NPAS3: variants seen among roughly 807,000 people sequenced by gnomAD.
NPAS3 encodes the protein neuronal PAS domain protein 3.
Under a neutral mutation model 73.1 loss-of-function variants are expected in NPAS3, and 14 were observed. That is an observed-to-expected ratio of 0.19 (90% CI 0.13 to 0.30). The LOEUF (loss-of-function observed/expected upper bound fraction) is 0.30, where lower values mean the gene tolerates loss of function less well. NPAS3 is among the 10% of genes least tolerant of loss of function. The pLI, the probability that NPAS3 is intolerant of heterozygous loss-of-function variation, is 1.00. For synonymous variants in NPAS3, 620 were observed against 541.5 expected, an observed-to-expected ratio of 1.14 and a Z score of -2.01; for missense variants, 1,096 against 1,250.0, an observed-to-expected ratio of 0.88 and a Z score of 1.86.
At chr14:32,959,547 A>G (rs1319008434) in intron 1 of NPAS3, among the ~76,000 whole-genome samples, 2 of 152,230 alleles carry the variant, frequency 1.3e-5, no homozygotes, top group Non-Finnish European at 2.9e-5. Flanking sequence ...TTGCCAGTTT[A>G]AAACTTCTTT....
Position 33,800,144 on chromosome 14 carries a change from A to C in NPAS3, c.1837A>C (p.Ser613Arg), listed in dbSNP as rs371133456. 6.3e-7 allele frequency: 1 copy of C among 1,591,430 alleles called. No homozygotes were observed. Among genetic ancestry groups the C allele is most frequent in the Non-Finnish European group, 8.5e-7 (1 of 1,170,288 alleles). The change falls in exon 12 of 12, where the codon AGC becomes CGC. Residue 613 changes from serine (S) to arginine (R), a missense_variant. By Grantham distance (110) the Ser-to-Arg change is moderately radical (BLOSUM62 -1). Around this residue, in one of 5 missense-constraint regions of NPAS3, gnomAD observed 698 missense variants for 676.7 expected, o/e 1.03. Transcript: ENST00000356141. The surrounding 1 kb of genome is among the most constrained non-coding windows in gnomAD (Gnocchi z 6.5). ...GAAACGGCAAAAGGGCGGCAGCGCC[A>C]GCCGCCGGCGCCTGTCCAGCGCGTC...
At chr14:33,070,456 T>G (rs546830957) in intron 2 of NPAS3, among the ~76,000 whole-genome samples, 2 of 152,244 alleles carry the variant, frequency 1.3e-5, no homozygotes, top group Non-Finnish European at 2.9e-5. Flanking sequence ...CTGGTACTTC[T>G]GTGAGGCACT....
At chr14:33,328,520 G>A (rs1267103111) in intron 3 of NPAS3, among the ~76,000 whole-genome samples, 1 of 111,750 alleles carries the variant, frequency 8.9e-6, no homozygotes, top group East Asian at 2.9e-4. Context: ...AGGCTGGAGT[G>A]CAGTGGCGCG....
chr14:33,421,673 A>C lies in NPAS3; in HGVS notation c.468+54405A>C, dbSNP rs752200828. Among the ~76,000 whole-genome samples the C allele has an allele frequency of 2.6e-5, 4 of 151,956 alleles. No individual in the cohort carries two copies. The East Asian group carries it at 7.7e-4, about 29-fold the overall frequency. On this transcript the variant is annotated intron_variant, in intron 4 of 11. Transcript: ENST00000356141. ...TATTCTCTGTATGAAGGTTTAGGCA[A>C]TATTCAAGGTGATCTGCTAGATACT... is the stretch of plus-strand genomic sequence containing the variant.
intron 2 of NPAS3, among the ~76,000 whole-genome samples, chr14:33,069,252 T>C (rs1267419787): frequency 6.6e-6 from 1 of 152,236 alleles, no homozygotes; most frequent in Non-Finnish European, 1.5e-5. Flanking sequence ...ATCACATGTA[T>C]GCAAATAAGT....
At chr14:33,249,936 A>C (rs962529937) in intron 3 of NPAS3, among the ~76,000 whole-genome samples, 46 of 150,856 alleles carry the variant, frequency 3.0e-4, no homozygotes, top group Admixed American at 1.5e-3. Context: ...ACACACACAC[A>C]CCCCTACATA....
At chr14:33,097,583 T>C (rs1325616612) in intron 2 of NPAS3, among the ~76,000 whole-genome samples, 1 of 152,230 alleles carries the variant, frequency 6.6e-6, no homozygotes, top group Non-Finnish European at 1.5e-5. Flanking sequence ...ATGCATATGA[T>C]TATCTTTTGT....
Position 33,609,513 on chromosome 14 carries a change from A to G in NPAS3, c.558+49303A>G, listed in dbSNP as rs185632756. ...CATAGGTTCCTGTCTTAATTCATAAAGGTAACCAGATTTTTGTTCCCCACT... is the reference window on the plus strand; with the variant it reads ...CATAGGTTCCTGTCTTAATTCATAAGGGTAACCAGATTTTTGTTCCCCACT... On this transcript the variant is annotated intron_variant, in intron 5 of 11. Transcript: ENST00000356141. Among the ~76,000 whole-genome samples the G allele has an allele frequency of 8.6e-5, 13 of 151,470 alleles. No homozygotes were observed. The East Asian group carries it at 2.6e-3, about 30-fold the overall frequency.
At chr14:33,286,432 C>T (rs1158671536) in intron 3 of NPAS3, among the ~76,000 whole-genome samples, 1 of 152,148 alleles carries the variant, frequency 6.6e-6, no homozygotes, top group Non-Finnish European at 1.5e-5. Context: ...TAAAAAAATT[C>T]CATGAGACAG....
intron 5 of NPAS3, among the ~76,000 whole-genome samples, chr14:33,666,690 T>C (rs1405031377): frequency 6.6e-6 from 1 of 152,188 alleles, no homozygotes; most frequent in Non-Finnish European, 1.5e-5. Context: ...TTCTTCTCTC[T>C]CCAAAGTGGA....
At chr14:33,049,242 G>T (rs1008976616) in intron 1 of NPAS3, among the ~76,000 whole-genome samples, 30 of 152,174 alleles carry the variant, frequency 2.0e-4, no homozygotes, top group African/African-American at 6.3e-4. Context: ...AGATACTGTG[G>T]TAAGTGTTTT....
chr14:33,148,209 A>T (rs1238957508), intron 2 of NPAS3, among the ~76,000 whole-genome samples: 2 of 152,170 alleles, frequency 1.3e-5, no homozygotes, highest in African/African-American at 4.8e-5. Context: ...GCTTTATTTT[A>T]GGCAAAATTT....
At chr14:33,491,025 C>T (rs1306584845) in intron 4 of NPAS3, among the ~76,000 whole-genome samples, 2 of 152,168 alleles carry the variant, frequency 1.3e-5, no homozygotes, top group Admixed American at 1.3e-4. Context: ...TTCAGTTTTT[C>T]TATCTTGTAA....
chr14:33,154,023 G>T lies in NPAS3; in HGVS notation c.141-61159G>T, dbSNP rs545041277. ...AAGGGAGCATTCAGTGTGGGTCCAGGCTGCCATCCCAATTTAGAACTCTTT... is the reference window on the plus strand; with the variant it reads ...AAGGGAGCATTCAGTGTGGGTCCAGTCTGCCATCCCAATTTAGAACTCTTT... On this transcript the variant is annotated intron_variant, in intron 2 of 11. Transcript: ENST00000356141. Among the ~76,000 whole-genome samples, 6 of 152,266 alleles carry T rather than the reference G, an allele frequency of 3.9e-5. No homozygotes were observed. In the South Asian group the frequency reaches 1.2e-3, roughly 32 times the overall value.
intron 4 of NPAS3, among the ~76,000 whole-genome samples, chr14:33,532,217 C>T (rs1047139536): frequency 2.6e-5 from 4 of 152,096 alleles, no homozygotes; most frequent in African/African-American, 9.7e-5. Flanking sequence ...TAAATCAACT[C>T]CATTACTGAG....
At chr14:33,023,132 G>T (rs2039670887) in intron 1 of NPAS3, among the ~76,000 whole-genome samples, 2 of 152,056 alleles carry the variant, frequency 1.3e-5, no homozygotes, top group South Asian at 4.1e-4. Context: ...ACCTTTCTCA[G>T]TCATGTCTTC....
intron 2 of NPAS3, among the ~76,000 whole-genome samples, chr14:33,158,145 T>C (rs2044715160): frequency 6.6e-6 from 1 of 152,216 alleles, no homozygotes; most frequent in Admixed American, 6.5e-5. Context: ...CGTTGAGCAG[T>C]GGTAGTCCGT....
intron 5 of NPAS3, among the ~76,000 whole-genome samples, chr14:33,570,952 A>G (rs1393406839): frequency 6.6e-6 from 1 of 152,214 alleles, no homozygotes; most frequent in Non-Finnish European, 1.5e-5. Flanking sequence ...CCAAGTCACA[A>G]CAGTGTAATA....
At chr14:33,223,583 A>T (rs1430009927) in intron 3 of NPAS3, among the ~76,000 whole-genome samples, 1 of 152,142 alleles carries the variant, frequency 6.6e-6, no homozygotes, top group Non-Finnish European at 1.5e-5. Flanking sequence ...GGTCTGAATG[A>T]TTACTTACTG....
Sources: allele counts gnomAD v4.1 joint callset (sites outside exome capture counted in the v4.1 genomes callset), GRCh38; gene constraint gnomAD v4.1.1; regional missense constraint gnomAD v4.1.1; non-coding constraint Gnocchi (gnomAD v3.1); transcripts MANE v1.5; gene names NCBI Gene and HGNC (gene_info 2026-07-23, HGNC 2026-07-21).